SV2C: variants seen among roughly 807,000 people sequenced by gnomAD.
The protein encoded by SV2C is synaptic vesicle glycoprotein 2C.
In SV2C, 49 loss-of-function variants were observed where a neutral mutation model predicts 79.7. The observed-to-expected ratio is 0.61, with a 90% CI of 0.49 to 0.78. The LOEUF (loss-of-function observed/expected upper bound fraction) is 0.78. SV2C is among the 30% of genes least tolerant of loss of function. The pLI, the probability that SV2C is intolerant of heterozygous loss-of-function variation, is 0.00. For missense variants in SV2C, 833 were observed against 912.9 expected (o/e 0.91, Z 1.13); for synonymous variants, 334 against 333.2 (o/e 1.00, Z -0.03).
intron 4 of SV2C, among the ~76,000 whole-genome samples, chr5:76,279,563 T>C (rs958719534): frequency 3.3e-5 from 5 of 152,166 alleles, no homozygotes; most frequent in Non-Finnish European, 7.3e-5. Flanking sequence ...TTTAGAGAGT[T>C]TGATTAGAGT....
the SV2C span, chr5:75,910,713 C>T: frequency 7.4e-7 from 1 of 1,359,456 alleles, no homozygotes; most frequent in Non-Finnish European, 1.0e-6. Context: ...TTCAACAAAG[C>T]CCAGACTATG....
intron 2 of SV2C, among the ~76,000 whole-genome samples, chr5:76,147,822 AT>A (rs1225928170): frequency 6.6e-6 from 1 of 152,174 alleles, no homozygotes; most frequent in Admixed American, 6.5e-5. Context: ...GCTTAAGCTT[AT>A]TTTTTAAATG....
chr5:76,103,439 G>A (rs1289775816), intron 1 of SV2C, among the ~76,000 whole-genome samples: 1 of 152,106 alleles, frequency 6.6e-6, no homozygotes, highest in African/African-American at 2.4e-5. Flanking sequence ...ATGTGTCTTA[G>A]AAGGGAATAT....
intron 4 of SV2C, among the ~76,000 whole-genome samples, chr5:76,238,202 T>TTATTCTC (rs1430628081): frequency 1.3e-5 from 2 of 152,200 alleles, no homozygotes; most frequent in Admixed American, 1.3e-4. Context: ...CTTTGTCTTT[T>TTATTCTC]TATTCTCCTT....
In SV2C at chr5:76,223,032, A is replaced by G. The variant is rs1226843361; in HGVS notation, c.913+13145A>G. On this transcript the variant is annotated intron_variant, in intron 4 of 12. Coordinates refer to ENST00000502798, the MANE Select transcript of SV2C (RefSeq NM_014979.4). ...TTGGAATGGTGTCTGGGGTATTTCA[A>G]CTGCCTCTACAGTGTGCATGTGTGG... 5.3e-5 allele frequency among the ~76,000 whole-genome samples: 8 copies of G among 152,256 alleles called. No individual in the cohort carries two copies. The East Asian group carries it at 1.5e-3, about 29-fold the overall frequency.
At chr5:76,351,775 T>C (rs1422236760) in intron 12 of SV2C, among the ~76,000 whole-genome samples, 1 of 152,220 alleles carries the variant, frequency 6.6e-6, no homozygotes, top group African/African-American at 2.4e-5. Flanking sequence ...CCAACTATAG[T>C]GCTAGCCAGA....
At chr5:76,350,923 A>C (rs1269584389) in intron 12 of SV2C, among the ~76,000 whole-genome samples, 1 of 152,012 alleles carries the variant, frequency 6.6e-6, no homozygotes, top group Non-Finnish European at 1.5e-5. Context: ...CTGAGGCATG[A>C]GAATCGCTTG....
chr5:76,110,695 G>A (rs1316014737), intron 1 of SV2C, among the ~76,000 whole-genome samples: 2 of 152,216 alleles, frequency 1.3e-5, no homozygotes, highest in Non-Finnish European at 2.9e-5. Flanking sequence ...CCAGCCTCAC[G>A]GCATAGCTCT....
chr5:76,120,132 C>A (rs1333757748), intron 1 of SV2C, among the ~76,000 whole-genome samples: 2 of 152,040 alleles, frequency 1.3e-5, no homozygotes, highest in Non-Finnish European at 2.9e-5. Context: ...TAAATGTGTA[C>A]AATTATAATG....
At chr5:76,110,549 G>A (rs578168284) in intron 1 of SV2C, among the ~76,000 whole-genome samples, 21 of 152,140 alleles carry the variant, frequency 1.4e-4, no homozygotes, top group African/African-American at 4.6e-4. Flanking sequence ...ATTTGTGGTC[G>A]GACAATCGAG....
At chr5:75,968,284 G>A in the SV2C span, among the ~76,000 whole-genome samples, 1 of 152,176 alleles carries the variant, frequency 6.6e-6, no homozygotes, top group African/African-American at 2.4e-5. Context: ...CTCCTCCAAA[G>A]GAATGCAGCT....
At chr5:76,114,529 T>A (rs764805639) in intron 1 of SV2C, among the ~76,000 whole-genome samples, 17 of 152,230 alleles carry the variant, frequency 1.1e-4, no homozygotes, top group African/African-American at 3.9e-4. Flanking sequence ...ATCAGTGTAA[T>A]AGGAATGAGG....
rs867072825 is a variant in SV2C, at chr5:76,236,593, G to C, written c.913+26706G>C. Among the ~76,000 whole-genome samples, 13 of 151,980 alleles carry C rather than the reference G, an allele frequency of 8.6e-5. No individual in the cohort carries two copies. In the Middle Eastern group the frequency reaches 0.02, roughly 239 times the overall value. ...ATAAAATAAAATAAAGAGAGAGAGA[G>C]AGAAATAGAGAGGAGGGAGATGCCA... On this transcript the variant is annotated intron_variant, in intron 4 of 12. Coordinates refer to ENST00000502798, the MANE Select transcript of SV2C (RefSeq NM_014979.4).
chr5:76,044,369 A>G, the SV2C span, among the ~76,000 whole-genome samples: 4 of 152,310 alleles, frequency 2.6e-5, no homozygotes, highest in Admixed American at 6.5e-5. Flanking sequence ...TGCAATGAAC[A>G]TACACGTGTA....
the SV2C span, among the ~76,000 whole-genome samples, chr5:76,000,186 G>A: frequency 4.6e-5 from 7 of 151,996 alleles, no homozygotes; most frequent in African/African-American, 1.7e-4. Flanking sequence ...TTTAATTTAG[G>A]CATCTTTCAT....
At chr5:75,922,796 T>C in the SV2C span, among the ~76,000 whole-genome samples, 1 of 152,096 alleles carries the variant, frequency 6.6e-6, no homozygotes, top group Non-Finnish European at 1.5e-5. Flanking sequence ...GCAACCCAGA[T>C]CCCAAAATCA....
At chr5:75,997,527 G>A in the SV2C span, among the ~76,000 whole-genome samples, 83 of 152,264 alleles carry the variant, frequency 5.5e-4, 1 homozygote, top group African/African-American at 1.9e-3. Flanking sequence ...AAAAGTGGGT[G>A]AAGGGTATGA....
chr5:76,146,682 C>T (rs1580305130), intron 2 of SV2C, among the ~76,000 whole-genome samples: 2 of 151,552 alleles, frequency 1.3e-5, no homozygotes, highest in South Asian at 2.1e-4. Flanking sequence ...AGGTCTCAGC[C>T]TCATTTTACC....
intron 2 of SV2C, among the ~76,000 whole-genome samples, chr5:76,151,325 G>A (rs912801353): frequency 2.6e-5 from 4 of 152,342 alleles, no homozygotes; most frequent in Admixed American, 6.5e-5. Flanking sequence ...AATTGGAAAC[G>A]TGGGTGGGAC....
Sources: gnomAD v4.1 joint callset for allele counts (sites outside exome capture counted in the v4.1 genomes callset) on GRCh38, gnomAD v4.1.1 for gene constraint, MANE v1.5 for transcripts, NCBI Gene and HGNC (gene_info 2026-07-23, HGNC 2026-07-21) for gene names.